Variants in RBMS3 observed in about 807,000 individuals in gnomAD.
RBMS3 encodes the protein RNA binding motif single stranded interacting protein 3.
In RBMS3, 27 loss-of-function variants were observed where a neutral mutation model predicts 66.8. The observed-to-expected ratio is 0.40, with a 90% CI of 0.30 to 0.56. RBMS3 has a LOEUF of 0.56. RBMS3 is among the 20% of genes least tolerant of loss of function. The pLI is 0.40. For missense variants in RBMS3, 513 were observed against 549.5 expected (o/e 0.93, Z 0.66); for synonymous variants, 188 against 183.0 (o/e 1.03, Z -0.22).
chr3:29,860,453 A>C (rs1015578579), intron 6 of RBMS3, among the ~76,000 whole-genome samples: 1 of 152,196 alleles, frequency 6.6e-6, no homozygotes, highest in African/African-American at 2.4e-5. Context: ...GGTGGGGCAT[A>C]TATGCAAACC....
intron 4 of RBMS3, among the ~76,000 whole-genome samples, chr3:29,589,248 C>T (rs2047642129): frequency 1.3e-5 from 2 of 152,030 alleles, no homozygotes; most frequent in Non-Finnish European, 2.9e-5. Context: ...CACCCTCTGA[C>T]TCTTTCATTC....
At chr3:29,568,561 C>A (rs2046823114) in intron 3 of RBMS3, among the ~76,000 whole-genome samples, 1 of 152,112 alleles carries the variant, frequency 6.6e-6, no homozygotes, top group Non-Finnish European at 1.5e-5. Flanking sequence ...TATTCAATGC[C>A]CAGAACCGAC....
chr3:29,939,015 C>G (rs1238750120), intron 11 of RBMS3, among the ~76,000 whole-genome samples: 1 of 151,956 alleles, frequency 6.6e-6, no homozygotes, highest in Non-Finnish European at 1.5e-5. Context: ...TGGCTTCTAA[C>G]TGGTGGGAGT....
At chr3:29,436,503 T>C (rs919851875) in intron 2 of RBMS3, among the ~76,000 whole-genome samples, 4 of 152,186 alleles carry the variant, frequency 2.6e-5, no homozygotes, top group Non-Finnish European at 4.4e-5. Flanking sequence ...GCCCATAGAA[T>C]ATTGAGGTTG....
At chr3:29,708,179 A>T (rs771618707) in intron 4 of RBMS3, among the ~76,000 whole-genome samples, 1 of 152,220 alleles carries the variant, frequency 6.6e-6, no homozygotes, top group Non-Finnish European at 1.5e-5. Context: ...TATAAGAAGA[A>T]GACCAATTTC....
At chr3:29,316,460 T>TA (rs1487804823) in intron 1 of RBMS3, among the ~76,000 whole-genome samples, 8 of 151,696 alleles carry the variant, frequency 5.3e-5, no homozygotes, top group Non-Finnish European at 1.0e-4. Flanking sequence ...ATATGGTAGT[T>TA]ACTATTATCA....
At chr3:29,474,658 T>G (rs1160844490) in intron 2 of RBMS3, among the ~76,000 whole-genome samples, 1 of 152,220 alleles carries the variant, frequency 6.6e-6, no homozygotes, top group African/African-American at 2.4e-5. Context: ...CAGAAATAAG[T>G]ATGCGCTTAC....
At chr3:29,971,709 T>C (rs1446256980) in intron 12 of RBMS3, among the ~76,000 whole-genome samples, 1 of 152,118 alleles carries the variant, frequency 6.6e-6, no homozygotes, top group Non-Finnish European at 1.5e-5. Flanking sequence ...ATGGTCTTTC[T>C]AGTTTACCTG....
chr3:29,324,813 G>A (rs2035224123), intron 1 of RBMS3, among the ~76,000 whole-genome samples: 2 of 151,300 alleles, frequency 1.3e-5, no homozygotes, highest in South Asian at 4.2e-4. Flanking sequence ...TTTCCAGCCT[G>A]CCTGCCTATC....
chr3:29,373,630 G>C (rs999607995), intron 1 of RBMS3, among the ~76,000 whole-genome samples: 1 of 152,172 alleles, frequency 6.6e-6, no homozygotes, highest in Non-Finnish European at 1.5e-5. Context: ...GACTGGGAAA[G>C]AATGCTAACA....
chr3:29,512,273 T>C (rs1388924968), intron 3 of RBMS3, among the ~76,000 whole-genome samples: 1 of 152,150 alleles, frequency 6.6e-6, no homozygotes, highest in Non-Finnish European at 1.5e-5. Flanking sequence ...ATCAAAGATT[T>C]CTAAATGTTG....
rs796627338 is a variant in RBMS3, at chr3:29,588,663, T to A, written c.399+1458T>A. ...TTTGAATTCTTTCAGCTGTGTAATG[T>A]ATTCTTCATCAAGATTATGCCTAGA... On this transcript the variant is annotated intron_variant, in intron 4 of 14. Transcript: ENST00000383767. 7.2e-5 allele frequency among the ~76,000 whole-genome samples: 11 copies of A among 152,216 alleles called. 1 individual carries two copies. Among genetic ancestry groups the A allele is most frequent in the African/African-American group, 2.6e-4 (11 of 41,548 alleles).
intron 7 of RBMS3, among the ~76,000 whole-genome samples, chr3:29,879,897 T>C (rs74751113): frequency 2.1e-3 from 315 of 152,266 alleles, no homozygotes; most frequent in African/African-American, 7.3e-3. Flanking sequence ...GTCTAGGTAA[T>C]CTTTCTGAAG....
At chr3:29,637,856 T>C (rs1023001144) in intron 4 of RBMS3, among the ~76,000 whole-genome samples, 1 of 151,862 alleles carries the variant, frequency 6.6e-6, no homozygotes, top group Non-Finnish European at 1.5e-5. Flanking sequence ...TAAACTTGCC[T>C]GACAACACTC....
rs9848168 is a variant in RBMS3, at chr3:29,796,833, C to T, written c.637+33844C>T. 5.5e-3 allele frequency among the ~76,000 whole-genome samples: 826 copies of T among 151,314 alleles called. 8 individuals are homozygous for T. Among genetic ancestry groups the T allele is most frequent in the African/African-American group, 0.019 (793 of 41,046 alleles). On this transcript the variant is annotated intron_variant, in intron 6 of 14. Transcript: ENST00000383767. ...GTTCAAGCGATTCTCCTGCCTCGGCCTCCAGAGTAGCTGGGACTATAGGCA... is the reference window on the plus strand; with the variant it reads ...GTTCAAGCGATTCTCCTGCCTCGGCTTCCAGAGTAGCTGGGACTATAGGCA...
intron 1 of RBMS3, among the ~76,000 whole-genome samples, chr3:29,348,169 A>AG (rs1213900679): frequency 6.6e-6 from 1 of 152,172 alleles, no homozygotes; most frequent in East Asian, 1.9e-4. Context: ...TACTAAGTGT[A>AG]GGGTCTCTTT....
At chr3:29,515,548 G>T (rs1314970404) in intron 3 of RBMS3, among the ~76,000 whole-genome samples, 2 of 152,210 alleles carry the variant, frequency 1.3e-5, no homozygotes, top group Non-Finnish European at 2.9e-5. Flanking sequence ...AGGAAGACAG[G>T]CTGGAAGGAT....
chr3:29,688,564 A>ATTTTT lies in RBMS3; in HGVS notation c.400-51123_400-51119dup, dbSNP rs55943638. ...TCACATCAGGCACAAAAGTTACAGG[A>ATTTTT]TTTTTTTTTTTTTTTTTTTTTTTTT... On this transcript the variant is annotated intron_variant, in intron 4 of 14. Coordinates refer to ENST00000383767, the MANE Select transcript of RBMS3 (RefSeq NM_001003793.3). Among the ~76,000 whole-genome samples, 13 of 67,118 alleles carry ATTTTT rather than the reference A, an allele frequency of 1.9e-4. 1 individual carries two copies. The highest frequency in any genetic ancestry group is 4.6e-4 in the Admixed American group (2 of 4,338). 44.0% of individuals were successfully genotyped at this position (67,118 alleles called of 152,430 possible).
At chr3:29,830,084 C>G (rs2058330366) in intron 6 of RBMS3, among the ~76,000 whole-genome samples, 2 of 151,862 alleles carry the variant, frequency 1.3e-5, no homozygotes, top group African/African-American at 4.8e-5. Flanking sequence ...CTTTGGGCTA[C>G]ATTTCTATAT....
Sources: allele counts gnomAD v4.1 joint callset (sites outside exome capture counted in the v4.1 genomes callset), GRCh38; gene constraint gnomAD v4.1.1; transcripts MANE v1.5; gene names NCBI Gene and HGNC (gene_info 2026-07-23, HGNC 2026-07-21).